Variants in CPNE4 observed in about 807,000 individuals in gnomAD.
CPNE4 encodes the protein copine-4.
In CPNE4, 25 loss-of-function variants were observed where a neutral mutation model predicts 67.9. The ratio of observed to expected loss-of-function variants is 0.37; its 90% confidence interval spans 0.27 to 0.51. The LOEUF is 0.51. Among genes scored for constraint, CPNE4 ranks in the 20% least tolerant of loss-of-function variants. The probability of loss-of-function intolerance (pLI) is 0.93; values close to 1 mark genes in which losing one functional copy is unlikely to be tolerated. For synonymous variants in CPNE4, 242 were observed against 244.9 expected (o/e 0.99, Z 0.11); for missense variants, 464 against 690.8 (o/e 0.67, Z 3.68).
In CPNE4 at chr3:131,702,425, G is replaced by A. The variant is rs181361588; in HGVS notation, c.361-2445C>T. Among the ~76,000 whole-genome samples, 321 of 152,292 alleles carry A rather than the reference G, an allele frequency of 2.1e-3. 1 individual carries two copies. Among genetic ancestry groups the A allele is most frequent in the African/African-American group, 7.5e-3 (312 of 41,552 alleles). On this transcript the variant is annotated intron_variant, in intron 3 of 15. Transcript: ENST00000429747. ...GCACGTTTTTTCCAGCAAGGGAAGT[G>A]GGGAAGACACATGAGTAAGTGACAA...
At chr3:131,712,929 C>A (rs1380383804) in intron 3 of CPNE4, among the ~76,000 whole-genome samples, 1 of 152,158 alleles carries the variant, frequency 6.6e-6, no homozygotes, top group African/African-American at 2.4e-5. Context: ...GAAATGAAAG[C>A]TGGTTGGAAA....
At chr3:131,716,618 C>G (rs1337460614) in intron 3 of CPNE4, among the ~76,000 whole-genome samples, 5 of 152,210 alleles carry the variant, frequency 3.3e-5, no homozygotes, top group Non-Finnish European at 7.3e-5. Context: ...TCTCTACAAG[C>G]ATTGCCTCTT....
At chr3:131,586,618 A>G (rs1938195049) in intron 8 of CPNE4, among the ~76,000 whole-genome samples, 1 of 152,210 alleles carries the variant, frequency 6.6e-6, no homozygotes, top group Admixed American at 6.5e-5. Context: ...CAGCAGATAG[A>G]GAAATCTGCC....
intron 1 of CPNE4, among the ~76,000 whole-genome samples, chr3:131,959,960 T>C (rs1032474732): frequency 6.6e-6 from 1 of 152,234 alleles, no homozygotes. Context: ...TTAAGTAATA[T>C]GTCATACTTC....
intron 2 of CPNE4, among the ~76,000 whole-genome samples, chr3:131,847,242 T>C (rs1005076040): frequency 6.6e-6 from 1 of 152,170 alleles, no homozygotes; most frequent in Non-Finnish European, 1.5e-5. Flanking sequence ...TTGGCTTTGC[T>C]CATCACCACT....
chr3:131,939,429 T>A (rs1212948263), intron 1 of CPNE4, among the ~76,000 whole-genome samples: 3 of 152,182 alleles, frequency 2.0e-5, no homozygotes, highest in African/African-American at 7.2e-5. Flanking sequence ...AATGTATGTA[T>A]GTTTGCTTGC....
intron 1 of CPNE4, among the ~76,000 whole-genome samples, chr3:132,027,977 C>A (rs1472068625): frequency 6.6e-6 from 1 of 152,094 alleles, no homozygotes; most frequent in Non-Finnish European, 1.5e-5. Flanking sequence ...GGTAAAGGTT[C>A]TTGGTTATAT....
intron 2 of CPNE4, among the ~76,000 whole-genome samples, chr3:131,901,630 T>A (rs1489491514): frequency 6.6e-6 from 1 of 151,958 alleles, no homozygotes; most frequent in Non-Finnish European, 1.5e-5. Flanking sequence ...GGAGGACCCA[T>A]CTGGTAGGAG....
At chr3:131,997,346 G>A (rs970371491) in intron 1 of CPNE4, among the ~76,000 whole-genome samples, 1 of 152,118 alleles carries the variant, frequency 6.6e-6, no homozygotes, top group Non-Finnish European at 1.5e-5. Context: ...TCTTCACACA[G>A]CTGAAGACGG....
intron 1 of CPNE4, among the ~76,000 whole-genome samples, chr3:131,923,861 A>G (rs962827073): frequency 6.6e-6 from 1 of 151,924 alleles, no homozygotes. Flanking sequence ...TACCACCCCA[A>G]GGTTTTCTTT....
intron 14 of CPNE4, among the ~76,000 whole-genome samples, chr3:131,549,629 C>A (rs1464088775): frequency 6.6e-6 from 1 of 151,898 alleles, no homozygotes; most frequent in African/African-American, 2.4e-5. Flanking sequence ...TTTCTTTTTT[C>A]TTTTCAAGGA....
chr3:131,776,564 C>T (rs1357909882), intron 2 of CPNE4, among the ~76,000 whole-genome samples: 1 of 152,048 alleles, frequency 6.6e-6, no homozygotes, highest in Non-Finnish European at 1.5e-5. Context: ...AAAACTGTTC[C>T]AGTCAGCTTC....
At chr3:131,669,806 C>G in intron 6 of CPNE4, 42 bp from the exon 7 acceptor site, 1 of 1,449,938 alleles carries the variant, frequency 6.9e-7, no homozygotes, top group Non-Finnish European at 9.7e-7. Flanking sequence ...GGGAGAAATG[C>G]TTGACATTTT....
At chr3:132,035,956 A>G (rs992434438), upstream of CPNE4, among the ~76,000 whole-genome samples, 1 of 152,164 alleles carries the variant, frequency 6.6e-6, no homozygotes, top group African/African-American at 2.4e-5. Context: ...TGAAGGTTGG[A>G]GGAGATATTA....
intron 1 of CPNE4, among the ~76,000 whole-genome samples, chr3:132,001,553 G>GAAGAGAA (rs1467276159): frequency 2.9e-5 from 3 of 101,858 alleles, no homozygotes; most frequent in African/African-American, 1.1e-4. Context: ...AAAGAAAAAA[G>GAAGAGAA]AGAAAGAAAG....
chr3:131,872,103 G>A (rs2087236050), intron 2 of CPNE4, among the ~76,000 whole-genome samples: 1 of 152,094 alleles, frequency 6.6e-6, no homozygotes, highest in Admixed American at 6.6e-5. Flanking sequence ...AGAAGTGCAT[G>A]ACCTCTCAGA....
At chr3:131,642,897 G>A (rs1335081902) in intron 7 of CPNE4, among the ~76,000 whole-genome samples, 1 of 152,126 alleles carries the variant, frequency 6.6e-6, no homozygotes, top group Non-Finnish European at 1.5e-5. Flanking sequence ...ATCATAGAAT[G>A]GACTAATATA....
chr3:131,882,964 G>A (rs544603356), intron 2 of CPNE4, among the ~76,000 whole-genome samples: 3 of 152,138 alleles, frequency 2.0e-5, no homozygotes, highest in East Asian at 1.9e-4. Flanking sequence ...TGATCCGTCT[G>A]ACTCGGGCTC....
At chr3:131,954,400 G>A (rs983882709) in intron 1 of CPNE4, among the ~76,000 whole-genome samples, 2 of 152,148 alleles carry the variant, frequency 1.3e-5, no homozygotes, top group African/African-American at 4.8e-5. Context: ...TAAGGGTATT[G>A]CAAAAACTAA....
Sources: allele counts gnomAD v4.1 joint callset (sites outside exome capture counted in the v4.1 genomes callset), GRCh38; gene constraint gnomAD v4.1.1; transcripts MANE v1.5; gene names NCBI Gene and HGNC (gene_info 2026-07-23, HGNC 2026-07-21).